Variants in TAFA2 observed in about 807,000 individuals in gnomAD.
The protein encoded by TAFA2 is chemokine-like protein TAFA-2.
A neutral mutation model predicts 18.8 loss-of-function variants in TAFA2; 7 were observed. That is an observed-to-expected ratio of 0.37 (90% CI 0.21 to 0.70). TAFA2 has a LOEUF of 0.70. Among genes scored for constraint, TAFA2 ranks in the 30% least tolerant of loss-of-function variants. The pLI is 0.53. For synonymous variants in TAFA2, 60 were observed against 54.2 expected (o/e 1.11, Z -0.47); for missense variants, 122 against 158.1 (o/e 0.77, Z 1.23).
chr12:61,855,874 A>T (rs1398311013), intron 2 of TAFA2, among the ~76,000 whole-genome samples: 1 of 152,116 alleles, frequency 6.6e-6, no homozygotes, highest in Non-Finnish European at 1.5e-5. Context: ...CAACTTAGAT[A>T]CTAAATGCTC....
At chr12:61,875,996 A>C (rs2121252892) in intron 1 of TAFA2, among the ~76,000 whole-genome samples, 1 of 152,316 alleles carries the variant, frequency 6.6e-6, no homozygotes, top group South Asian at 2.1e-4. Context: ...CTAAATCATA[A>C]GCCTTATATT....
chr12:61,871,824 T>G (rs1283841693), intron 1 of TAFA2, among the ~76,000 whole-genome samples: 1 of 152,208 alleles, frequency 6.6e-6, no homozygotes. Context: ...CAGATGCGGT[T>G]GTTCATGCCT....
intron 2 of TAFA2, among the ~76,000 whole-genome samples, chr12:61,782,891 G>T (rs747105615): frequency 6.6e-6 from 1 of 151,646 alleles, no homozygotes; most frequent in Non-Finnish European, 1.5e-5. Context: ...ATTTAGTAAA[G>T]ACTTTAAAAC....
In TAFA2 at chr12:62,224,568, C is replaced by G. The variant is rs143177592; in HGVS notation, c.-130+34195G>C. On this transcript the variant is annotated intron_variant, in intron 1 of 5. Transcript: ENST00000551619. The stretch of plus-strand genomic sequence containing the variant: ...ATTATACCTCCCAAATGCCTCACCC[C>G]CTAATACCATCACATTGAGCATTAA... Among the ~76,000 whole-genome samples the G allele has an allele frequency of 3.4e-3, 518 of 152,200 alleles. 1 individual carries two copies. Among genetic ancestry groups the G allele is most frequent in the Admixed American group, 5.0e-3 (77 of 15,292 alleles).
intron 1 of TAFA2, among the ~76,000 whole-genome samples, chr12:61,948,866 C>T (rs1162349158): frequency 6.6e-6 from 1 of 152,180 alleles, no homozygotes; most frequent in Non-Finnish European, 1.5e-5. Context: ...AAGCAGAAGT[C>T]AGGTGATTGC....
intron 1 of TAFA2, among the ~76,000 whole-genome samples, chr12:61,987,348 T>A (rs1384583963): frequency 6.6e-6 from 1 of 152,202 alleles, no homozygotes; most frequent in Non-Finnish European, 1.5e-5. Flanking sequence ...TCTGCCTGCT[T>A]TTCAAACCAG....
intron 4 of TAFA2, chr12:61,721,043 T>C (rs1056491074): frequency 7.6e-5 from 33 of 435,798 alleles, no homozygotes; most frequent in South Asian, 4.8e-4. Context: ...TAATGTCCTT[T>C]ACCTCCAAAA....
At chr12:62,177,071 C>T (rs11174360) in intron 1 of TAFA2, among the ~76,000 whole-genome samples, 24,609 of 152,226 alleles carry the variant, frequency 0.16, 2,191 homozygotes, top group East Asian at 0.33. Flanking sequence ...CAGTGCCTGG[C>T]ATGTTGGTCA....
intron 1 of TAFA2, among the ~76,000 whole-genome samples, chr12:62,250,365 G>A (rs981446565): frequency 2.0e-5 from 3 of 152,122 alleles, no homozygotes; most frequent in Non-Finnish European, 4.4e-5. Flanking sequence ...TTATATTTAA[G>A]ATTTTTCTCT....
chr12:62,148,585 A>G (rs2062304265), intron 1 of TAFA2, among the ~76,000 whole-genome samples: 1 of 152,182 alleles, frequency 6.6e-6, no homozygotes, highest in Admixed American at 6.5e-5. Context: ...AAAACTACCT[A>G]TCAGATACTA....
At chr12:61,975,863 G>C (rs893823534) in intron 1 of TAFA2, among the ~76,000 whole-genome samples, 15 of 151,718 alleles carry the variant, frequency 9.9e-5, no homozygotes, top group Non-Finnish European at 2.1e-4. Context: ...CAACAGAGTA[G>C]ATCTCAAGTG....
At chr12:62,067,228 G>A (rs923269457) in intron 1 of TAFA2, among the ~76,000 whole-genome samples, 1 of 151,886 alleles carries the variant, frequency 6.6e-6, no homozygotes, top group Non-Finnish European at 1.5e-5. Flanking sequence ...CTTGTCAGAG[G>A]GGTAGTTTGC....
intron 2 of TAFA2, among the ~76,000 whole-genome samples, chr12:61,845,510 T>A (rs571674657): frequency 1.3e-5 from 2 of 152,178 alleles, no homozygotes; most frequent in African/African-American, 4.8e-5. Context: ...TCATGGACGA[T>A]TGTGGCTTCA....
chr12:61,777,352 G>C (rs1039442128), intron 2 of TAFA2, among the ~76,000 whole-genome samples: 3 of 151,814 alleles, frequency 2.0e-5, no homozygotes, highest in African/African-American at 7.3e-5. Context: ...AGATAAGGTA[G>C]GGAAAGCTCT....
intron 2 of TAFA2, among the ~76,000 whole-genome samples, chr12:61,787,709 T>C (rs532369761): frequency 6.6e-6 from 1 of 150,750 alleles, no homozygotes; most frequent in East Asian, 2.0e-4. Flanking sequence ...GACACACAAA[T>C]AAGAAAAAGG....
At chr12:61,942,080 T>C (rs1425222578) in intron 1 of TAFA2, among the ~76,000 whole-genome samples, 3 of 151,360 alleles carry the variant, frequency 2.0e-5, no homozygotes, top group Non-Finnish European at 2.9e-5. Flanking sequence ...AGAGCAGTGG[T>C]TCTCCCAGCA....
chr12:61,880,372 C>T (rs778107353), intron 1 of TAFA2: 10 of 524,864 alleles, frequency 1.9e-5, no homozygotes, highest in African/African-American at 3.9e-5. Context: ...AGGATGCCAA[C>T]ACCAAGCTGT....
At chr12:61,907,761 A>ACCCTGC in intron 1 of TAFA2, among the ~76,000 whole-genome samples, 1 of 152,124 alleles carries the variant, frequency 6.6e-6, no homozygotes, top group South Asian at 2.1e-4. Flanking sequence ...CGGGGGATGT[A>ACCCTGC]CCCTGCAAAG....
rs139477976 is a variant in TAFA2, at chr12:61,954,221, A to G, written c.-1-86795T>C. Among the ~76,000 whole-genome samples the G allele has an allele frequency of 6.6e-3, 1,009 of 152,236 alleles. 6 individuals are homozygous for G. Among genetic ancestry groups the G allele is most frequent in the Non-Finnish European group, 0.011 (726 of 68,014 alleles). On this transcript the variant is annotated intron_variant, in intron 1 of 4. Transcript: ENST00000416284. ...CTCCCACTTACAAGTAAGAACATGT[A>G]GTATTTGACTTGGATTTATATAGAA...
Sources: allele counts gnomAD v4.1 joint callset (sites outside exome capture counted in the v4.1 genomes callset), GRCh38; gene constraint gnomAD v4.1.1; transcripts MANE v1.5; gene names NCBI Gene and HGNC (gene_info 2026-07-23, HGNC 2026-07-21).